The following PIK3C2G variants were observed in gnomAD, a reference collection of about 807,000 sequenced individuals.
The protein encoded by PIK3C2G is phosphatidylinositol-4-phosphate 3-kinase catalytic subunit type 2 gamma, also known as phosphatidylinositol 3-kinase C2 domain-containing subunit gamma.
In PIK3C2G, 168 loss-of-function variants were observed where a neutral mutation model predicts 181.1. The observed-to-expected ratio is 0.93, with a 90% CI of 0.82 to 1.05. The LOEUF (loss-of-function observed/expected upper bound fraction) is 1.05. Among genes scored for constraint, PIK3C2G ranks in the 50% least tolerant of loss-of-function variants. PIK3C2G has a pLI of 0.00. For missense variants in PIK3C2G, 1,869 were observed against 1,732.8 expected (o/e 1.08, Z -1.40); for synonymous variants, 573 against 592.2 (o/e 0.97, Z 0.47).
At chr12:18,628,769 A>C (rs1171094851) in intron 31 of PIK3C2G, among the ~76,000 whole-genome samples, 1 of 152,132 alleles carries the variant, frequency 6.6e-6, no homozygotes, top group African/African-American at 2.4e-5. Context: ...CTTAGAGAAA[A>C]TTATCTATCA....
intron 32 of PIK3C2G, among the ~76,000 whole-genome samples, chr12:18,644,064 G>T (rs532719351): frequency 6.6e-6 from 1 of 152,190 alleles, no homozygotes; most frequent in East Asian, 1.9e-4. Context: ...AGAGGGGCTG[G>T]GTCGGGGACA....
chr12:18,490,244 C>A (rs1940432720), intron 19 of PIK3C2G, among the ~76,000 whole-genome samples: 1 of 152,130 alleles, frequency 6.6e-6, no homozygotes, highest in Non-Finnish European at 1.5e-5. Flanking sequence ...ACTTTTCTCT[C>A]TACACTTTGC....
chr12:18,662,122 T>C, the PIK3C2G span, among the ~76,000 whole-genome samples: 1 of 152,130 alleles, frequency 6.6e-6, no homozygotes, highest in Admixed American at 6.6e-5. Flanking sequence ...CTGGGACTAC[T>C]TGAAGATGGA....
chr12:18,309,585 G>T (rs1016238886), intron 5 of PIK3C2G, among the ~76,000 whole-genome samples: 7 of 151,714 alleles, frequency 4.6e-5, no homozygotes, highest in African/African-American at 1.7e-4. Context: ...AGTACAAGAG[G>T]GCTTTTCCTG....
intron 18 of PIK3C2G, among the ~76,000 whole-genome samples, chr12:18,448,809 A>C (rs1947172315): frequency 6.6e-6 from 1 of 151,634 alleles, no homozygotes; most frequent in Non-Finnish European, 1.5e-5. Context: ...ATATGTATAT[A>C]TTATACACAC....
At chr12:18,257,216 AT>A (rs944834240), upstream of PIK3C2G, among the ~76,000 whole-genome samples, 7 of 152,222 alleles carry the variant, frequency 4.6e-5, no homozygotes, top group African/African-American at 1.7e-4. Flanking sequence ...TTGGATGGGC[AT>A]GTGACCAGTT....
At chr12:18,713,879 A>G in the PIK3C2G span, 1 of 152,230 alleles carries the variant, frequency 6.6e-6, no homozygotes, top group East Asian at 1.9e-4. Context: ...TCTTAGGTTC[A>G]TTAAATCAGT....
chr12:18,308,499 A>G (rs1950509422), intron 5 of PIK3C2G, among the ~76,000 whole-genome samples: 1 of 100,438 alleles, frequency 1.0e-5, no homozygotes, highest in African/African-American at 3.6e-5. Context: ...TCTAAAATAT[A>G]GTAAAAAAAA....
intron 3 of PIK3C2G, among the ~76,000 whole-genome samples, chr12:18,287,602 T>A (rs1161950903): frequency 6.6e-6 from 1 of 152,156 alleles, no homozygotes; most frequent in African/African-American, 2.4e-5. Flanking sequence ...ACGCCTGTAA[T>A]CCCAGCACTT....
At chr12:18,356,077 C>T (rs1940701320) in intron 11 of PIK3C2G, among the ~76,000 whole-genome samples, 3 of 152,112 alleles carry the variant, frequency 2.0e-5, no homozygotes, top group South Asian at 2.1e-4. Context: ...TTATTCCAGT[C>T]CCACATGACA....
intron 30 of PIK3C2G, among the ~76,000 whole-genome samples, chr12:18,600,676 C>T (rs1947661988): frequency 6.6e-6 from 1 of 151,868 alleles, no homozygotes; most frequent in African/African-American, 2.4e-5. Flanking sequence ...TGTTCAACTC[C>T]ATGAGAAAAT....
intron 29 of PIK3C2G, among the ~76,000 whole-genome samples, 194 bp from the exon 30 acceptor site, chr12:18,594,300 A>G (rs1381179792): frequency 6.6e-5 from 10 of 152,098 alleles, no homozygotes; most frequent in Admixed American, 6.6e-4. Context: ...TCAGTCACAC[A>G]AAAGTTTAGT....
chr12:18,505,252 TTTG>T (rs1473191902), intron 23 of PIK3C2G, 37 bp from the exon 24 acceptor site: 2 of 1,520,146 alleles, frequency 1.3e-6, no homozygotes, highest in South Asian at 1.2e-5. Flanking sequence ...TTGCTCATTT[TTTG>T]TTGTTATTTT....
intron 18 of PIK3C2G, among the ~76,000 whole-genome samples, chr12:18,476,519 A>G (rs1199533572): frequency 1.3e-5 from 2 of 152,162 alleles, no homozygotes; most frequent in Non-Finnish European, 2.9e-5. Context: ...AGGGCGGGAA[A>G]AAATTCACAG....
chr12:18,554,053 A>G (rs1185414329), intron 26 of PIK3C2G, among the ~76,000 whole-genome samples: 7 of 152,078 alleles, frequency 4.6e-5, no homozygotes, highest in African/African-American at 1.7e-4. Flanking sequence ...CTTTCTTGAG[A>G]TCACTGGCAT....
At chr12:18,584,390 G>A (rs1034983594) in intron 29 of PIK3C2G, among the ~76,000 whole-genome samples, 2 of 151,998 alleles carry the variant, frequency 1.3e-5, no homozygotes, top group Non-Finnish European at 2.9e-5. Flanking sequence ...AGTATTTTAC[G>A]ATACAATTAC....
At chr12:18,451,831 G>A (rs1355459687) in intron 18 of PIK3C2G, among the ~76,000 whole-genome samples, 2 of 152,206 alleles carry the variant, frequency 1.3e-5, no homozygotes, top group African/African-American at 4.8e-5. Flanking sequence ...AGATAATCAT[G>A]TGGTTTTTTG....
downstream of PIK3C2G, among the ~76,000 whole-genome samples, chr12:18,650,331 C>CTCTCTATATATATA (rs1555163997): frequency 1.1e-5 from 1 of 91,986 alleles, no homozygotes; most frequent in African/African-American, 4.4e-5. Flanking sequence ...CTCTCTCTCT[C>CTCTCTATATATATA]TATATATATA....
chr12:18,455,949 A>T (rs1311864104), intron 18 of PIK3C2G, among the ~76,000 whole-genome samples: 7 of 152,118 alleles, frequency 4.6e-5, no homozygotes, highest in African/African-American at 1.7e-4. Context: ...TCTGTCAATG[A>T]CATTCGCCTT....
Sources: gnomAD v4.1 joint callset for allele counts (sites outside exome capture counted in the v4.1 genomes callset) on GRCh38, gnomAD v4.1.1 for gene constraint, MANE v1.5 for transcripts, NCBI Gene and HGNC (gene_info 2026-07-23, HGNC 2026-07-21) for gene names.